HERC1: variants seen among roughly 807,000 people sequenced by gnomAD.
HERC1 encodes probable E3 ubiquitin-protein ligase HERC1.
In HERC1, 160 loss-of-function variants were observed where a neutral mutation model predicts 554.3. The observed-to-expected ratio is 0.29, with a 90% CI of 0.25 to 0.33. The LOEUF is 0.33. Ranked by LOEUF, HERC1 falls within the 10% of genes least tolerant of loss-of-function variation. HERC1 has a pLI of 1.00. For synonymous variants in HERC1, 2,175 were observed against 2,131.7 expected (o/e 1.02, Z -0.56); for missense variants, 4,919 against 5,918.5 (o/e 0.83, Z 5.54).
chr15:63,641,342 GA>G (rs1314369777), intron 60 of HERC1, 127 bp downstream of exon 60: 2 of 690,838 alleles, frequency 2.9e-6, no homozygotes, highest in Admixed American at 7.1e-5. Flanking sequence ...ACCTTCATTT[GA>G]TTCTGCCCAA....
chr15:63,826,801 A>T lies in HERC1; in HGVS notation c.-27+7026T>A, dbSNP rs1190253502. ...ATCTCTGGTAAAAAAAAAAAAAAAA[A>T]AAAAAAAAAAAAAATATATATATAT... is the stretch of plus-strand genomic sequence containing the variant. On this transcript the variant is annotated intron_variant, in intron 1 of 77. Transcript: ENST00000443617. Among the ~76,000 whole-genome samples the T allele has an allele frequency of 1.7e-4, 14 of 84,140 alleles. 1 individual carries two copies. The highest frequency in any genetic ancestry group is 4.7e-4 in the African/African-American group (9 of 19,250). The allele number at this position is 84,140 out of a possible 152,430, so 55.2% of individuals were successfully genotyped here. A position where few individuals can be genotyped will look rare whatever the true frequency, so the allele number is the denominator to read the frequency against.
Position 63,669,587 on chromosome 15 carries a change from T to C in HERC1, c.8157A>G (p.Gln2719=). 6.2e-7 allele frequency: 1 copy of C among 1,613,828 alleles called. No individual in the cohort carries two copies. The highest frequency in any genetic ancestry group is 8.5e-7 in the Non-Finnish European group (1 of 1,179,754). ...ACTGGGAATCAGGAGAAGTTAAACT[T>C]TGCCTCCTTCCTACTTCATCAGAAG... The part of the protein sequence containing the change: ...TSPSDEVGRR[Q]SLTSPDSQSA... The change falls in exon 40 of 78, where the codon CAA becomes CAG. Residue 2719 remains glutamine (Q), a synonymous_variant. Transcript: ENST00000443617.
At chr15:63,624,899 T>C (rs1025088546) in intron 71 of HERC1, among the ~76,000 whole-genome samples, 3 of 152,176 alleles carry the variant, frequency 2.0e-5, no homozygotes, top group African/African-American at 7.2e-5. Flanking sequence ...TCCTACCATA[T>C]AGAGATGCCC....
chr15:63,643,518 A>G lies in HERC1; in HGVS notation c.11217T>C (p.Cys3739=). Residue 3739 remains cysteine (C), a synonymous_variant, in exon 58 of 78, where the codon TGT becomes TGC. Transcript: ENST00000443617. ...TGATGTGTCCCCGCAGCTGATAAAC[A>G]CACTTGGCTCCTGATGATTTCCTAT... is the stretch of plus-strand genomic sequence containing the variant. The part of the protein sequence containing the change: ...DGYRKSSGAK[C]VYQLRGHITP... 1.9e-6 allele frequency: 3 copies of G among 1,607,192 alleles called. No homozygotes were observed. The highest frequency in any genetic ancestry group is 2.6e-6 in the Non-Finnish European group (3 of 1,176,278).
At chr15:63,784,522 T>C (rs2076380250) in intron 1 of HERC1, among the ~76,000 whole-genome samples, 1 of 152,080 alleles carries the variant, frequency 6.6e-6, no homozygotes, top group Non-Finnish European at 1.5e-5. Context: ...GAGAATTGGG[T>C]TACTGGGAGC....
intron 25 of HERC1, among the ~76,000 whole-genome samples, chr15:63,699,697 G>T (rs890781469): frequency 2.6e-5 from 4 of 152,130 alleles, no homozygotes; most frequent in Admixed American, 6.5e-5. Flanking sequence ...TTATCAAGTG[G>T]CATCAAAATA....
intron 64 of HERC1, among the ~76,000 whole-genome samples, chr15:63,636,434 CT>C (rs1434666795): frequency 6.6e-6 from 1 of 151,920 alleles, no homozygotes; most frequent in African/African-American, 2.4e-5. Flanking sequence ...CCATATCTGG[CT>C]AATTTTTGTA....
In HERC1 at chr15:63,655,737, C is replaced by T; in HGVS notation, c.10084+5G>A. 6.5e-7 allele frequency: 1 copy of T among 1,543,618 alleles called. No homozygotes were observed. The highest frequency in any genetic ancestry group is 8.8e-7 in the Non-Finnish European group (1 of 1,139,186). On this transcript the variant is annotated splice_donor_5th_base_variant and intron_variant, in intron 50 of 77. Coordinates refer to ENST00000443617, the MANE Select transcript of HERC1 (RefSeq NM_003922.4). ...GACTGTATGTTTCAGTAGTATGAAA[C>T]TTACCTTTCTTTTCAACTTCTGACT...
chr15:63,716,318 T>C lies in HERC1; in HGVS notation c.4134A>G (p.Glu1378=), dbSNP rs1272823049. The C allele has an allele frequency of 1.1e-5, 18 of 1,613,634 alleles. No homozygotes were observed. The highest frequency in any genetic ancestry group is 1.5e-5 in the Non-Finnish European group (18 of 1,179,798). The change falls in exon 22 of 78, where the codon GAA becomes GAG. Residue 1378 remains glutamate, a synonymous_variant. Coordinates refer to ENST00000443617, the MANE Select transcript of HERC1 (RefSeq NM_003922.4). ...PEDEEEEREH[E]VMTAGKIFQC... is the part of the protein sequence containing the mutation. ...TATACTCACTGCCAGCTGTCATCACTTCATGTTCCCGTTCCTCCTCTTCAT... is the reference window on the plus strand; with the variant it reads ...TATACTCACTGCCAGCTGTCATCACCTCATGTTCCCGTTCCTCCTCTTCAT...
rs11636758 is a variant in HERC1 at position 63,699,289 on chromosome 15, C to T, written c.4637-293G>A. Among the ~76,000 whole-genome samples, 75,812 of 152,014 alleles carry T rather than the reference C, an allele frequency of 0.5. 19,819 individuals are homozygous for T. Among genetic ancestry groups the T allele is most frequent in the African/African-American group, 0.54 (22,466 of 41,436 alleles). ...AAGAAAAAGAAAGGCAGAAGCTGTTCTCAAAATGCTTAGCTTAAAATGCTC... is the reference window on the plus strand; with the variant it reads ...AAGAAAAAGAAAGGCAGAAGCTGTTTTCAAAATGCTTAGCTTAAAATGCTC... On this transcript the variant is annotated intron_variant, in intron 25 of 77. Coordinates refer to ENST00000443617, the MANE Select transcript of HERC1 (RefSeq NM_003922.4).
chr15:63,789,517 G>A (rs1183576907), intron 1 of HERC1, among the ~76,000 whole-genome samples: 1 of 151,966 alleles, frequency 6.6e-6, no homozygotes, highest in African/African-American at 2.4e-5. Context: ...TGAAACTGAG[G>A]TCCGGCATGG....
chr15:63,648,124 A>G lies in HERC1; in HGVS notation c.10823T>C (p.Leu3608Pro). Residue 3608 changes from leucine (L) to proline (P), a missense_variant, in exon 55 of 78, where the codon CTG becomes CCG. This residue lies in a region of HERC1 where 1,963 missense variants were observed against 2,228.6 expected (regional missense o/e 0.88). Transcript: ENST00000443617. ...TTTCTCAAGTGGTTCCTTTGTTCCC[A>G]GTAACAGTTTTCCATCAAAATATCC... Reference protein sequence around the residue: ...AVGYFDGKLLLGTKEPLEKGG... With the variant: ...AVGYFDGKLLPGTKEPLEKGG... 6.3e-7 allele frequency: 1 copy of G among 1,581,786 alleles called. No individual in the cohort carries two copies. Among genetic ancestry groups the G allele is most frequent in the Non-Finnish European group, 8.6e-7 (1 of 1,161,960 alleles).
rs1157852839 is a variant in HERC1, at chr15:63,718,034, CCT to C, written c.3978+538_3978+539del. 6.7e-6 allele frequency among the ~76,000 whole-genome samples: 1 copy of C among 150,324 alleles called. No homozygotes were observed. The highest frequency in any genetic ancestry group is 1.5e-5 in the Non-Finnish European group (1 of 67,636). ...TCCGGAACAAGGAAAACATTTATTT[CCT>C]CTCTTACAGAGAAGCTCTTTAAGTA... On this transcript the variant is annotated intron_variant, in intron 21 of 77. Coordinates refer to ENST00000443617, the MANE Select transcript of HERC1 (RefSeq NM_003922.4). This position sits in a 1 kb window ranked among gnomAD's most constrained non-coding sequence, Gnocchi z 4.2.
At chr15:63,711,386 A>G (rs1947048637) in intron 24 of HERC1, among the ~76,000 whole-genome samples, 1 of 152,152 alleles carries the variant, frequency 6.6e-6, no homozygotes, top group African/African-American at 2.4e-5. Flanking sequence ...TAAAAAATTA[A>G]CTGACAGAGA....
At chr15:63,666,764 T>C (rs532657948) in intron 40 of HERC1, among the ~76,000 whole-genome samples, 1 of 152,308 alleles carries the variant, frequency 6.6e-6, no homozygotes, top group African/African-American at 2.4e-5. Flanking sequence ...AATTTATTTG[T>C]AATCTCAAAA....
chr15:63,791,144 C>T (rs2076640349), intron 1 of HERC1, among the ~76,000 whole-genome samples: 1 of 152,074 alleles, frequency 6.6e-6, no homozygotes, highest in Non-Finnish European at 1.5e-5. Flanking sequence ...GGATAAATAC[C>T]TGAGAGATGA....
At chr15:63,764,625 CAG>C (rs1474406870) in intron 2 of HERC1, among the ~76,000 whole-genome samples, 1 of 152,132 alleles carries the variant, frequency 6.6e-6, no homozygotes, top group Non-Finnish European at 1.5e-5. Context: ...ACCAAAGCAG[CAG>C]AAAGTCTGTC....
chr15:63,634,132 A>G (rs2068680598), intron 66 of HERC1, among the ~76,000 whole-genome samples, 162 bp from the exon 67 acceptor site: 1 of 152,266 alleles, frequency 6.6e-6, no homozygotes, highest in South Asian at 2.1e-4. Flanking sequence ...AAGTAAGTCA[A>G]CAAGAAATAA....
At chr15:63,705,026 C>T (rs536680734) in intron 25 of HERC1, among the ~76,000 whole-genome samples, 92 of 152,216 alleles carry the variant, frequency 6.0e-4, no homozygotes, top group African/African-American at 2.1e-3. Context: ...GCATGAGCCA[C>T]GACACCCCAC....
Sources: gnomAD v4.1 joint callset for allele counts (sites outside exome capture counted in the v4.1 genomes callset) on GRCh38, gnomAD v4.1.1 for gene constraint, gnomAD v4.1.1 regional missense constraint, Gnocchi (gnomAD v3.1) non-coding constraint, MANE v1.5 for transcripts, NCBI Gene and HGNC (gene_info 2026-07-23, HGNC 2026-07-21) for gene names.